ITGA9: variants seen among roughly 807,000 people sequenced by gnomAD.
ITGA9 encodes the protein integrin alpha-9.
In ITGA9, 56 loss-of-function variants were observed where a neutral mutation model predicts 127.8. The ratio of observed to expected loss-of-function variants is 0.44; its 90% CI spans 0.35 to 0.55. ITGA9 has a LOEUF of 0.55. ITGA9 is among the 20% of genes least tolerant of loss of function. The probability of loss-of-function intolerance (pLI) is 0.00; values close to 1 mark genes in which losing one functional copy is unlikely to be tolerated. For synonymous variants in ITGA9, 508 were observed against 514.5 expected, an observed-to-expected ratio of 0.99 and a Z score of 0.17; for missense variants, 1,196 against 1,347.1, an observed-to-expected ratio of 0.89 and a Z score of 1.76.
Position 37,750,533 on chromosome 3 carries a change from T to G in ITGA9, c.2505T>G (p.Ser835=). 1 of 1,613,674 alleles carries G rather than the reference T, an allele frequency of 6.2e-7. No homozygotes were observed. Among genetic ancestry groups the G allele is most frequent in the Middle Eastern group, 1.7e-4 (1 of 6,058 alleles). ...TCTCTTTCCCTAATCGACTCTCATC[T>G]GGTGGTGCAGAGATGTTTCATGTCC... The part of the protein sequence containing the change: ...VSISFPNRLS[S]GGAEMFHVQE... The change falls in exon 23 of 28, where the codon TCT becomes TCG. Residue 835 remains serine, a synonymous_variant. Coordinates refer to ENST00000264741, the MANE Select transcript of ITGA9 (RefSeq NM_002207.3).
chr3:37,748,351 A>G (rs1696533646), intron 22 of ITGA9: 3 of 605,646 alleles, frequency 5.0e-6, no homozygotes. Context: ...CACACAAGTT[A>G]AGGGCAAGAT....
rs566464192 is a variant in ITGA9, at chr3:37,695,015, G to A, written c.2067+11000G>A. The stretch of plus-strand genomic sequence containing the variant: ...CAGGACAGGGCAGGACTGAAACTCA[G>A]GCAGGGTCCCTCAGAGCGTGGCCTC... On this transcript the variant is annotated intron_variant, in intron 18 of 27. Transcript: ENST00000264741. Among the ~76,000 whole-genome samples, 5 of 152,326 alleles carry A rather than the reference G, an allele frequency of 3.3e-5. No homozygotes were observed. The South Asian group carries it at 1.0e-3, about 32-fold the overall frequency.
chr3:37,526,542 G>A (rs187800652), intron 13 of ITGA9, among the ~76,000 whole-genome samples: 73 of 152,322 alleles, frequency 4.8e-4, no homozygotes, highest in East Asian at 1.2e-3. Flanking sequence ...CCTCCTGCCC[G>A]TTAGACAGCA....
chr3:37,784,343 C>T (rs1252137024), intron 25 of ITGA9, among the ~76,000 whole-genome samples: 2 of 152,194 alleles, frequency 1.3e-5, no homozygotes, highest in South Asian at 2.1e-4. Flanking sequence ...AGACCTCTGC[C>T]TGCCTCTGGC....
In ITGA9 at chr3:37,803,773, C is replaced by CA. The variant is rs762999914; in HGVS notation, c.2890-40dup. 2.5e-3 allele frequency: 3,427 copies of CA among 1,392,100 alleles called. 2 individuals carry two copies. The highest frequency in any genetic ancestry group is 4.6e-3 in the East Asian group (178 of 38,454). 86.2% of individuals were successfully genotyped at this position (1,392,100 alleles called of 1,614,324 possible). ...TGGGTGACAGAACAAGACTCTGTCTCAAAAAAAAAATAAAAAAGGAAATGT... is the reference window on the plus strand; with the variant it reads ...TGGGTGACAGAACAAGACTCTGTCTCAAAAAAAAAAATAAAAAAGGAAATGT... On this transcript the variant is annotated intron_variant, in intron 26 of 27. Transcript: ENST00000264741.
At chr3:37,737,817 C>G (rs903887680) in intron 20 of ITGA9, among the ~76,000 whole-genome samples, 1 of 152,164 alleles carries the variant, frequency 6.6e-6, no homozygotes, top group Non-Finnish European at 1.5e-5. Flanking sequence ...CAAGGAACTC[C>G]TATATACCCT....
At chr3:37,765,218 G>A (rs1170495478) in intron 23 of ITGA9, among the ~76,000 whole-genome samples, 2 of 151,944 alleles carry the variant, frequency 1.3e-5, no homozygotes, top group African/African-American at 2.4e-5. Context: ...ACTTGAGATC[G>A]CCCAGTAGGA....
chr3:37,778,849 CTGTT>C (rs774220281), intron 24 of ITGA9, among the ~76,000 whole-genome samples: 35 of 146,420 alleles, frequency 2.4e-4, no homozygotes, highest in Non-Finnish European at 4.3e-4. Flanking sequence ...AGAAGGGTGA[CTGTT>C]TGCCACTTGA....
intron 27 of ITGA9, 21 bp from the exon 28 acceptor site, chr3:37,818,869 TC>T: frequency 6.3e-7 from 1 of 1,583,322 alleles, no homozygotes; most frequent in East Asian, 2.2e-5. Context: ...TAACTCAGCT[TC>T]TCTTTCTTTC....
chr3:37,503,350 A>G (rs2125570281), intron 6 of ITGA9, 43 bp downstream of exon 6: 1 of 1,605,148 alleles, frequency 6.2e-7, no homozygotes, highest in Non-Finnish European at 8.5e-7. Flanking sequence ...GGGAAATGGG[A>G]GTGATTCCCA....
At chr3:37,536,777 C>G (rs1311433954) in intron 14 of ITGA9, among the ~76,000 whole-genome samples, 1 of 152,226 alleles carries the variant, frequency 6.6e-6, no homozygotes, top group Non-Finnish European at 1.5e-5. Flanking sequence ...GCCTCTGAAA[C>G]AGGCAGAGTC....
chr3:37,795,283 A>T (rs1697158323), intron 26 of ITGA9, among the ~76,000 whole-genome samples: 1 of 152,124 alleles, frequency 6.6e-6, no homozygotes, highest in African/African-American at 2.4e-5. Context: ...AGCCTGGGTG[A>T]GATGTACTGC....
At position 37,512,131 on chromosome 3, in the gene ITGA9, T is replaced by TC. The variant is rs1258308200; in HGVS notation, c.898-1632_898-1631insC. On this transcript the variant is annotated intron_variant, in intron 8 of 27. Coordinates refer to ENST00000264741, the MANE Select transcript of ITGA9 (RefSeq NM_002207.3). The stretch of plus-strand genomic sequence containing the variant: ...TTCCTTCCTTCCTTCTTTCTTTTCT[T>TC]TTCTTTTCTTTTCTTTTCTTTTCTT... 5.0e-3 allele frequency among the ~76,000 whole-genome samples: 55 copies of TC among 10,934 alleles called. 4 individuals are homozygous for TC. Among genetic ancestry groups the TC allele is most frequent in the African/African-American group, 0.011 (40 of 3,554 alleles). 7.2% of individuals were successfully genotyped at this position (10,934 alleles called of 152,430 possible). A position where few individuals can be genotyped will look rare whatever the true frequency, so the allele number is the denominator to read the frequency against.
chr3:37,698,127 T>G (rs1051727835), intron 18 of ITGA9, among the ~76,000 whole-genome samples: 3 of 152,260 alleles, frequency 2.0e-5, no homozygotes, highest in Admixed American at 2.0e-4. Flanking sequence ...GCTGCATAAA[T>G]GTCTTCTTTT....
At chr3:37,768,745 C>T (rs1210680220) in intron 23 of ITGA9, among the ~76,000 whole-genome samples, 5 of 150,808 alleles carry the variant, frequency 3.3e-5, no homozygotes. Context: ...CCTTTTAACC[C>T]AAGCCAATTC....
chr3:37,804,619 T>A (rs1697271754), intron 27 of ITGA9, among the ~76,000 whole-genome samples: 1 of 152,218 alleles, frequency 6.6e-6, no homozygotes, highest in Non-Finnish European at 1.5e-5. Context: ...CTGATGAAGG[T>A]CTGTCTCTTC....
chr3:37,480,584 CA>C (rs1579053557), intron 3 of ITGA9, among the ~76,000 whole-genome samples: 1 of 152,104 alleles, frequency 6.6e-6, no homozygotes, highest in African/African-American at 2.4e-5. Context: ...GTACATTTGT[CA>C]AAGCTCATTT....
intron 3 of ITGA9, among the ~76,000 whole-genome samples, chr3:37,480,170 G>A (rs150692549): frequency 6.6e-6 from 1 of 151,920 alleles, no homozygotes; most frequent in African/African-American, 2.4e-5. Context: ...ACATCTGGAT[G>A]TGCAGAGACA....
intron 26 of ITGA9, among the ~76,000 whole-genome samples, chr3:37,791,188 A>G (rs1483064645): frequency 1.3e-5 from 2 of 152,216 alleles, no homozygotes; most frequent in Non-Finnish European, 2.9e-5. Flanking sequence ...ACTTTATGGA[A>G]TCAGCTCTGT....
Sources: gnomAD v4.1 joint callset for allele counts (sites outside exome capture counted in the v4.1 genomes callset) on GRCh38, gnomAD v4.1.1 for gene constraint, MANE v1.5 for transcripts, NCBI Gene and HGNC (gene_info 2026-07-23, HGNC 2026-07-21) for gene names.